Variants in LRRC4C observed in about 807,000 individuals in gnomAD.
LRRC4C encodes leucine-rich repeat-containing protein 4C.
In LRRC4C, 5 loss-of-function variants were observed where a neutral mutation model predicts 33.6. That is an observed-to-expected ratio of 0.15 (90% confidence interval 0.08 to 0.31). LRRC4C has a LOEUF of 0.31. Among genes scored for constraint, LRRC4C ranks in the 10% least tolerant of loss-of-function variants. LRRC4C has a pLI of 1.00. For synonymous variants in LRRC4C, 329 were observed against 302.0 expected (o/e 1.09, Z -0.93); for missense variants, 560 against 796.7 (o/e 0.70, Z 3.58).
At chr11:40,763,093 GTA>G (rs148156857) in intron 2 of LRRC4C, among the ~76,000 whole-genome samples, 18,181 of 147,396 alleles carry the variant, frequency 0.12, 1,489 homozygotes, top group East Asian at 0.41. Flanking sequence ...ACATATATAT[GTA>G]TATATATATA....
chr11:40,329,002 T>C (rs1946224440), intron 3 of LRRC4C, among the ~76,000 whole-genome samples: 1 of 152,202 alleles, frequency 6.6e-6, no homozygotes, highest in Non-Finnish European at 1.5e-5. Flanking sequence ...GAACAAACAC[T>C]ACCACAAATA....
At chr11:40,272,281 T>C (rs1462545796) in intron 4 of LRRC4C, among the ~76,000 whole-genome samples, 1 of 152,164 alleles carries the variant, frequency 6.6e-6, no homozygotes, top group East Asian at 1.9e-4. Flanking sequence ...AACTGTGGAA[T>C]ACTATGAATC....
intron 2 of LRRC4C, among the ~76,000 whole-genome samples, chr11:40,824,095 A>C (rs1385172219): frequency 2.0e-5 from 3 of 151,944 alleles, no homozygotes; most frequent in Admixed American, 6.6e-5. Context: ...AAAAAAGGAA[A>C]ATTTATAGAC....
intron 1 of LRRC4C, among the ~76,000 whole-genome samples, chr11:40,960,529 AG>A (rs777919417): frequency 4.6e-5 from 7 of 151,752 alleles, no homozygotes; most frequent in Non-Finnish European, 8.9e-5. Flanking sequence ...CTGAGAACAT[AG>A]TGTGACCTCT....
intron 1 of LRRC4C, among the ~76,000 whole-genome samples, chr11:41,281,085 C>CTG (rs1343293974): frequency 1.0e-5 from 1 of 97,198 alleles, no homozygotes; most frequent in Non-Finnish European, 2.4e-5. Flanking sequence ...TGTCCTCTCT[C>CTG]TCTCTCTCTC....
chr11:40,375,098 G>T (rs987355071), intron 3 of LRRC4C, among the ~76,000 whole-genome samples: 4 of 152,072 alleles, frequency 2.6e-5, no homozygotes, highest in African/African-American at 9.7e-5. Context: ...TAACACATTG[G>T]TTTCTAAGCC....
At chr11:40,317,372 A>G (rs1945625472) in intron 4 of LRRC4C, among the ~76,000 whole-genome samples, 1 of 152,036 alleles carries the variant, frequency 6.6e-6, no homozygotes, top group East Asian at 1.9e-4. Flanking sequence ...GTCCCTTTGC[A>G]TAATGGGTTA....
At chr11:40,380,662 C>T (rs1948829641) in intron 3 of LRRC4C, among the ~76,000 whole-genome samples, 1 of 152,090 alleles carries the variant, frequency 6.6e-6, no homozygotes, top group African/African-American at 2.4e-5. Flanking sequence ...TATCCGCTAC[C>T]CTTCCTCTTT....
intron 2 of LRRC4C, 145 bp downstream of exon 2, chr11:40,933,490 C>T (rs1439962597): frequency 6.6e-6 from 1 of 152,238 alleles, no homozygotes; most frequent in Non-Finnish European, 1.5e-5. Context: ...CACTTACATT[C>T]CGTGTATTAG....
rs1158609834 is a variant in LRRC4C, at chr11:40,151,691, T to C, written c.-95-10838A>G. On this transcript the variant is annotated intron_variant, in intron 5 of 6. Transcript: ENST00000528697. ...CCCCTTGATGAAGGCCAAATTTTCA[T>C]ATTGAGTAAACCATTATAATAAAAT... Among the ~76,000 whole-genome samples, 3 of 152,292 alleles carry C rather than the reference T, an allele frequency of 2.0e-5. No individual in the cohort carries two copies. In the East Asian group the frequency reaches 5.8e-4, roughly 29 times the overall value.
At chr11:40,955,548 A>C (rs1327411291) in intron 1 of LRRC4C, among the ~76,000 whole-genome samples, 2 of 151,826 alleles carry the variant, frequency 1.3e-5, no homozygotes, top group Non-Finnish European at 2.9e-5. Flanking sequence ...TTACAATCTA[A>C]AACTAGTGTA....
At chr11:40,582,276 C>T (rs1404729257) in intron 3 of LRRC4C, among the ~76,000 whole-genome samples, 1 of 152,110 alleles carries the variant, frequency 6.6e-6, no homozygotes, top group Non-Finnish European at 1.5e-5. Flanking sequence ...CACAAAATTA[C>T]AATCCAGATT....
chr11:40,491,968 A>T (rs910860471), intron 3 of LRRC4C, among the ~76,000 whole-genome samples: 19 of 152,176 alleles, frequency 1.2e-4, no homozygotes, highest in Non-Finnish European at 1.6e-4. Flanking sequence ...AACTTGGTTT[A>T]ATATTACCCA....
intron 3 of LRRC4C, among the ~76,000 whole-genome samples, chr11:40,557,433 A>G (rs1022967608): frequency 1.3e-4 from 20 of 152,168 alleles, no homozygotes; most frequent in African/African-American, 4.8e-4. Context: ...CACCAACACA[A>G]TATCTGGCAC....
intron 2 of LRRC4C, among the ~76,000 whole-genome samples, chr11:40,658,406 C>T (rs1371937543): frequency 6.6e-6 from 1 of 152,200 alleles, no homozygotes; most frequent in Non-Finnish European, 1.5e-5. Flanking sequence ...AACCATAACA[C>T]TTCTGTTGCC....
intron 3 of LRRC4C, among the ~76,000 whole-genome samples, chr11:40,556,120 TC>T (rs1194219507): frequency 1.3e-5 from 2 of 152,256 alleles, no homozygotes; most frequent in East Asian, 3.9e-4. Flanking sequence ...TTCTAATGTT[TC>T]CAAAGAAAAC....
intron 2 of LRRC4C, among the ~76,000 whole-genome samples, chr11:40,883,057 C>A (rs1042592210): frequency 3.3e-5 from 5 of 152,074 alleles, no homozygotes; most frequent in Non-Finnish European, 5.9e-5. Flanking sequence ...CTACTTTTCG[C>A]ATCTCCGTCT....
At chr11:41,413,484 C>T (rs1437141078) in intron 1 of LRRC4C, among the ~76,000 whole-genome samples, 1 of 152,140 alleles carries the variant, frequency 6.6e-6, no homozygotes. Context: ...TTGCAAAAGA[C>T]AATACCAAGA....
chr11:40,777,751 G>T (rs1041732339), intron 2 of LRRC4C, among the ~76,000 whole-genome samples: 17 of 151,522 alleles, frequency 1.1e-4, no homozygotes, highest in Admixed American at 3.3e-4. Context: ...GCAGTGGCAT[G>T]ATCTTGGCTC....
Sources: allele counts gnomAD v4.1 joint callset (sites outside exome capture counted in the v4.1 genomes callset), GRCh38; gene constraint gnomAD v4.1.1; transcripts MANE v1.5; gene names NCBI Gene and HGNC (gene_info 2026-07-23, HGNC 2026-07-21).